The following KIAA0930 variants were observed in gnomAD, a reference collection of about 807,000 sequenced individuals.
The protein encoded by KIAA0930 is KIAA0930.
In KIAA0930, 24 loss-of-function variants were observed where a neutral mutation model predicts 43.9. The observed-to-expected ratio is 0.55, with a 90% confidence interval of 0.40 to 0.77. The LOEUF is 0.77. Ranked by LOEUF, KIAA0930 falls within the 30% of genes least tolerant of loss-of-function variation. The pLI is 0.00. For missense variants in KIAA0930, 461 were observed against 574.2 expected (o/e 0.80, Z 2.02); for synonymous variants, 259 against 216.4 (o/e 1.20, Z -1.73).
chr22:45,206,360 G>A (rs1490888857), intron 2 of KIAA0930, among the ~76,000 whole-genome samples: 2 of 152,120 alleles, frequency 1.3e-5, no homozygotes, highest in Non-Finnish European at 2.9e-5. Flanking sequence ...GACGGGAGAT[G>A]GGACCCAGGG....
At chr22:45,228,393 AC>A (rs1339756607) in intron 1 of KIAA0930, among the ~76,000 whole-genome samples, 1 of 152,142 alleles carries the variant, frequency 6.6e-6, no homozygotes, top group Non-Finnish European at 1.5e-5. Context: ...ATAAAAGGAA[AC>A]TGAGGCACAG....
chr22:45,218,223 T>C (rs1341988503), intron 1 of KIAA0930, among the ~76,000 whole-genome samples: 4 of 152,016 alleles, frequency 2.6e-5, no homozygotes, highest in African/African-American at 9.7e-5. Flanking sequence ...AATGGCACGA[T>C]CTCGGCTCAC....
At chr22:45,205,070 A>C in intron 5 of KIAA0930, 147 bp downstream of exon 5, 1 of 658,574 alleles carries the variant, frequency 1.5e-6, no homozygotes, top group Non-Finnish European at 2.7e-6. Context: ...CACTGGGAAG[A>C]GAGAGAGCCA....
intron 1 of KIAA0930, chr22:45,213,236 TCA>T (rs1180589172): frequency 2.6e-6 from 3 of 1,138,754 alleles, no homozygotes; most frequent in South Asian, 1.3e-5. Flanking sequence ...GAACCAGGAC[TCA>T]CAGCCAGCCC....
intron 1 of KIAA0930, among the ~76,000 whole-genome samples, chr22:45,218,394 G>C (rs372598746): frequency 7.5e-6 from 1 of 132,784 alleles, no homozygotes; most frequent in African/African-American, 3.0e-5. Context: ...ATGTTGGCCA[G>C]GCTGGTCTCA....
chr22:45,205,333 AT>A lies in KIAA0930; in HGVS notation c.415-16del, dbSNP rs781748741. ...GCGAACACTTGCTGGAAGAAAGCAG[AT>A]TTGGAGGACAAGTGAGGCCCCACCC... is the stretch of plus-strand genomic sequence containing the variant. On this transcript the variant is annotated splice_polypyrimidine_tract_variant and intron_variant, in intron 4 of 9. Coordinates refer to ENST00000336156, the MANE Select transcript of KIAA0930 (RefSeq NM_001009880.2). The A allele has an allele frequency of 8.1e-6, 13 of 1,610,048 alleles. No individual in the cohort carries two copies. In the East Asian group the frequency reaches 2.5e-4, roughly 30 times the overall value.
chr22:45,209,032 G>A (rs1047155920), intron 2 of KIAA0930, among the ~76,000 whole-genome samples: 4 of 152,216 alleles, frequency 2.6e-5, no homozygotes, highest in African/African-American at 9.6e-5. Flanking sequence ...GGAAACAGAG[G>A]GCAGGGAATC....
chr22:45,198,742 C>T (rs1048115219), intron 8 of KIAA0930, among the ~76,000 whole-genome samples: 7 of 152,270 alleles, frequency 4.6e-5, no homozygotes, highest in African/African-American at 1.7e-4. Flanking sequence ...CTCTGCCTCC[C>T]AGGTTCAAGA....
At position 45,196,220 on chromosome 22, in the gene KIAA0930, G is replaced by A. The variant is rs947872581; in HGVS notation, c.*956C>T. 1 of 152,256 alleles carries A rather than the reference G, an allele frequency of 6.6e-6. No individual in the cohort carries two copies. The highest frequency in any genetic ancestry group is 2.4e-5 in the African/African-American group (1 of 41,438). The allele number at this position is 152,256 out of a possible 1,614,324, so 9.4% of individuals were successfully genotyped here. Reference sequence around the variant, plus strand: ...ATGTGAGCCTCTGAGCAACTCCTCTGCCTCAGTGAGCTGGTCTGAGAGATG... The same window carrying A: ...ATGTGAGCCTCTGAGCAACTCCTCTACCTCAGTGAGCTGGTCTGAGAGATG... On this transcript the variant is annotated 3_prime_UTR_variant, in exon 10 of 10. Transcript: ENST00000336156. This position sits in a 1 kb window ranked among gnomAD's most constrained non-coding sequence, Gnocchi z 4.1.
At chr22:45,236,996 G>A (rs1287900114) in intron 1 of KIAA0930, among the ~76,000 whole-genome samples, 1 of 152,202 alleles carries the variant, frequency 6.6e-6, no homozygotes, top group Non-Finnish European at 1.5e-5. Context: ...CTTGGGCCCA[G>A]GTCGCGTCCA....
intron 1 of KIAA0930, among the ~76,000 whole-genome samples, chr22:45,220,953 C>G (rs918866083): frequency 2.7e-5 from 4 of 145,916 alleles, no homozygotes; most frequent in Admixed American, 1.4e-4. Context: ...TGGCCTGTAT[C>G]ACCATCACTG....
intron 8 of KIAA0930, 42 bp downstream of exon 8, chr22:45,199,831 C>A: frequency 6.8e-7 from 1 of 1,473,482 alleles, no homozygotes; most frequent in African/African-American, 1.4e-5. Context: ...CAAGAAGAGA[C>A]TGAAGGGCAC....
intron 2 of KIAA0930, among the ~76,000 whole-genome samples, chr22:45,206,989 G>A (rs1306923684): frequency 4.6e-5 from 7 of 151,070 alleles, no homozygotes; most frequent in Admixed American, 1.3e-4. Context: ...ATGGGCCACC[G>A]TGCCCGGCCT....
chr22:45,209,865 A>C (rs2083677397), intron 2 of KIAA0930, among the ~76,000 whole-genome samples: 2 of 151,998 alleles, frequency 1.3e-5, no homozygotes, highest in South Asian at 2.1e-4. Context: ...GACACCCCCA[A>C]ATTTTCAGCA....
chr22:45,219,883 C>T (rs903346874), intron 1 of KIAA0930, among the ~76,000 whole-genome samples: 2 of 152,038 alleles, frequency 1.3e-5, no homozygotes, highest in African/African-American at 2.4e-5. Flanking sequence ...AACCACTGCG[C>T]CCAGCCCAAG....
In KIAA0930 at chr22:45,240,819, T is replaced by G. The variant is rs2083912822; in HGVS notation, c.-116A>C. 4 of 1,218 alleles carry G rather than the reference T, an allele frequency of 3.3e-3. No individual in the cohort carries two copies. Among genetic ancestry groups the G allele is most frequent in the Admixed American group, 0.038 (2 of 52 alleles). The allele number at this position is 1,218 out of a possible 1,614,324, so 0.1% of individuals were successfully genotyped here. ...GCCGCGAGCACCAAGGAAGCCACAGTCCGCCTCTGTGCGCGTCGCCGTCGC... is the reference window on the plus strand; with the variant it reads ...GCCGCGAGCACCAAGGAAGCCACAGGCCGCCTCTGTGCGCGTCGCCGTCGC... On this transcript the variant is annotated 5_prime_UTR_variant, in exon 1 of 10. Coordinates refer to ENST00000336156, the MANE Select transcript of KIAA0930 (RefSeq NM_001009880.2).
chr22:45,231,414 G>A (rs2083852739), intron 1 of KIAA0930, among the ~76,000 whole-genome samples: 1 of 151,720 alleles, frequency 6.6e-6, no homozygotes, highest in Non-Finnish European at 1.5e-5. Context: ...CTCCTACATT[G>A]GCAGTGGGGC....
chr22:45,220,755 A>G (rs1351447357), intron 1 of KIAA0930, among the ~76,000 whole-genome samples: 1 of 151,772 alleles, frequency 6.6e-6, no homozygotes, highest in Non-Finnish European at 1.5e-5. Context: ...TGTGTTTTGT[A>G]TTCTTTGTAG....
chr22:45,213,793 T>C (rs1249597244), intron 1 of KIAA0930, among the ~76,000 whole-genome samples: 4 of 152,176 alleles, frequency 2.6e-5, no homozygotes, highest in Non-Finnish European at 1.5e-5. Flanking sequence ...GTGGATCACC[T>C]GAGGTCAGGA....
Sources: gnomAD v4.1 joint callset for allele counts (sites outside exome capture counted in the v4.1 genomes callset) on GRCh38, gnomAD v4.1.1 for gene constraint, Gnocchi (gnomAD v3.1) non-coding constraint, MANE v1.5 for transcripts, NCBI Gene and HGNC (gene_info 2026-07-23, HGNC 2026-07-21) for gene names.